Variants in GALNT13 observed in about 807,000 individuals in gnomAD.
The protein encoded by GALNT13 is polypeptide N-acetylgalactosaminyltransferase 13, also known as UDP-GalNAc:polypeptide N-acetylgalactosaminyltransferase 13.
In GALNT13, 28 loss-of-function variants were observed where a neutral mutation model predicts 64.2. The ratio of observed to expected loss-of-function variants is 0.44; its 90% confidence interval spans 0.32 to 0.60. The LOEUF (loss-of-function observed/expected upper bound fraction) is 0.60, where lower values mean the gene tolerates loss of function less well. Ranked by LOEUF, GALNT13 falls within the 20% of genes least tolerant of loss-of-function variation. GALNT13 has a pLI of 0.05. For missense variants in GALNT13, 577 were observed against 669.8 expected, an observed-to-expected ratio of 0.86 and a Z score of 1.53; for synonymous variants, 214 against 224.6, an observed-to-expected ratio of 0.95 and a Z score of 0.42.
the GALNT13 span, among the ~76,000 whole-genome samples, chr2:153,455,629 G>C: frequency 2.2e-4 from 34 of 152,282 alleles, no homozygotes; most frequent in Admixed American, 1.8e-3. Context: ...CAGTATCCGG[G>C]CAGGGTACCC....
chr2:153,725,558 T>G, the GALNT13 span, among the ~76,000 whole-genome samples: 2 of 151,758 alleles, frequency 1.3e-5, no homozygotes, highest in Non-Finnish European at 2.9e-5. Flanking sequence ...TATAAAATAA[T>G]GGGAAGCTTT....
chr2:153,169,611 A>G, the GALNT13 span, among the ~76,000 whole-genome samples: 4 of 152,266 alleles, frequency 2.6e-5, no homozygotes, highest in East Asian at 7.7e-4. Flanking sequence ...AAAACCACAA[A>G]CACTGAGAAA....
chr2:154,402,432 G>T (rs12611482), intron 10 of GALNT13, among the ~76,000 whole-genome samples: 99,262 of 152,022 alleles, frequency 0.65, 32,958 homozygotes, highest in Admixed American at 0.73. Flanking sequence ...AAAACACAAG[G>T]GGGAAAAATG....
the GALNT13 span, among the ~76,000 whole-genome samples, chr2:153,253,162 T>A: frequency 6.6e-6 from 1 of 150,920 alleles, no homozygotes; most frequent in Non-Finnish European, 1.5e-5. Context: ...GGTTTGTAGT[T>A]CTCCTTGAAG....
intron 7 of GALNT13, among the ~76,000 whole-genome samples, chr2:154,251,089 A>G (rs1390444458): frequency 6.6e-6 from 1 of 152,122 alleles, no homozygotes; most frequent in African/African-American, 2.4e-5. Flanking sequence ...CTAATAGTTT[A>G]GGGGATAATT....
the GALNT13 span, among the ~76,000 whole-genome samples, chr2:153,385,949 G>A: frequency 6.6e-6 from 1 of 151,954 alleles, no homozygotes; most frequent in East Asian, 1.9e-4. Context: ...ATAAAGTCCT[G>A]AAAATCCACT....
intron 4 of GALNT13, among the ~76,000 whole-genome samples, chr2:154,147,783 A>G (rs1683707219): frequency 6.6e-6 from 1 of 151,654 alleles, no homozygotes; most frequent in Admixed American, 6.6e-5. Context: ...TGGTAATCAT[A>G]TTTTTACTTA....
intron 3 of GALNT13, among the ~76,000 whole-genome samples, chr2:154,052,285 TAA>T: frequency 1.3e-5 from 2 of 152,296 alleles, no homozygotes; most frequent in Middle Eastern, 6.8e-3. Flanking sequence ...CTATCTGACT[TAA>T]GTGTACTTTC....
chr2:154,402,553 G>T (rs1699346146), intron 10 of GALNT13, among the ~76,000 whole-genome samples: 1 of 152,196 alleles, frequency 6.6e-6, no homozygotes, highest in African/African-American at 2.4e-5. Context: ...TTGGCCTTGT[G>T]CCATATATTC....
chr2:153,585,275 G>A, the GALNT13 span, among the ~76,000 whole-genome samples: 3 of 151,918 alleles, frequency 2.0e-5, no homozygotes, highest in Admixed American at 2.0e-4. Flanking sequence ...TTCTTTGAAG[G>A]AAATACAAAT....
the GALNT13 span, among the ~76,000 whole-genome samples, chr2:153,340,219 TC>T: frequency 6.6e-6 from 1 of 152,206 alleles, no homozygotes; most frequent in Non-Finnish European, 1.5e-5. Flanking sequence ...ATTCTTCTAA[TC>T]CATGAACACA....
the GALNT13 span, among the ~76,000 whole-genome samples, chr2:153,743,805 C>G: frequency 6.6e-6 from 1 of 152,060 alleles, no homozygotes; most frequent in East Asian, 1.9e-4. Context: ...TTAACCTTCC[C>G]CACTTCCCAC....
At position 154,019,851 on chromosome 2, in the gene GALNT13, C is replaced by T. The variant is rs933875933; in HGVS notation, c.142+75212C>T. On this transcript the variant is annotated intron_variant, in intron 3 of 12. Coordinates refer to ENST00000392825, the MANE Select transcript of GALNT13 (RefSeq NM_052917.4). Reference sequence around the variant, plus strand: ...TATCTCCTAATGCTATCCCTCCCCCCTACCCCCACCCCACAACAGTCCCCA... The same window carrying T: ...TATCTCCTAATGCTATCCCTCCCCCTTACCCCCACCCCACAACAGTCCCCA... Among the ~76,000 whole-genome samples the T allele has an allele frequency of 2.2e-4, 33 of 152,018 alleles. 1 individual carries two copies. Among genetic ancestry groups the T allele is most frequent in the Middle Eastern group, 3.4e-3 (1 of 294 alleles).
intron 11 of GALNT13, among the ~76,000 whole-genome samples, chr2:154,430,483 A>G (rs1388010608): frequency 1.3e-5 from 2 of 152,228 alleles, no homozygotes; most frequent in East Asian, 1.9e-4. Flanking sequence ...ACTTTAATGA[A>G]TGAGCATTGC....
At chr2:153,719,930 CG>C in the GALNT13 span, among the ~76,000 whole-genome samples, 3 of 152,054 alleles carry the variant, frequency 2.0e-5, no homozygotes, top group Non-Finnish European at 4.4e-5. Flanking sequence ...ACAAAGCAGC[CG>C]GGAAGCTCAA....
At chr2:153,478,545 G>C in the GALNT13 span, 2 of 1,602,424 alleles carry the variant, frequency 1.2e-6, no homozygotes, top group Non-Finnish European at 1.7e-6. Flanking sequence ...CGTCCGTCTG[G>C]TTGCCTAGGG....
At chr2:153,909,267 G>A (rs1688786302) in intron 2 of GALNT13, among the ~76,000 whole-genome samples, 2 of 152,010 alleles carry the variant, frequency 1.3e-5, no homozygotes, top group Non-Finnish European at 2.9e-5. Context: ...GATTTTGCTA[G>A]TAATTTTTGT....
At chr2:153,709,988 C>T in the GALNT13 span, among the ~76,000 whole-genome samples, 2 of 151,952 alleles carry the variant, frequency 1.3e-5, no homozygotes, top group Admixed American at 6.6e-5. Context: ...GTGGGGTGGA[C>T]GCAATGTGGA....
intron 12 of GALNT13, chr2:154,446,894 CTG>C: frequency 1.1e-6 from 1 of 885,990 alleles, no homozygotes; most frequent in Non-Finnish European, 1.6e-6. Context: ...AGTTAACTCT[CTG>C]TCTTTTACTT....
Sources: allele counts gnomAD v4.1 joint callset (sites outside exome capture counted in the v4.1 genomes callset), GRCh38; gene constraint gnomAD v4.1.1; transcripts MANE v1.5; gene names NCBI Gene and HGNC (gene_info 2026-07-23, HGNC 2026-07-21).